ANO4: variants seen among roughly 807,000 people sequenced by gnomAD.
ANO4 encodes anoctamin-4.
Under a neutral mutation model 141.9 loss-of-function variants are expected in ANO4, and 69 were observed. The observed-to-expected ratio is 0.49, with a 90% CI of 0.40 to 0.59. ANO4 has a LOEUF of 0.59. Ranked by LOEUF, ANO4 falls within the 20% of genes least tolerant of loss-of-function variation. The probability of loss-of-function intolerance (pLI) is 0.00; values close to 1 mark genes in which losing one functional copy is unlikely to be tolerated. For missense variants in ANO4, 894 were observed against 1,162.2 expected (o/e 0.77, Z 3.36); for synonymous variants, 350 against 394.3 (o/e 0.89, Z 1.33).
At chr12:100,898,067 A>G (rs568233307) in intron 1 of ANO4, among the ~76,000 whole-genome samples, 71 of 152,370 alleles carry the variant, frequency 4.7e-4, no homozygotes, top group African/African-American at 1.6e-3. Context: ...GACCTTGGTC[A>G]AGTAACTTCT....
intron 1 of ANO4, among the ~76,000 whole-genome samples, chr12:100,724,427 G>A (rs1189527901): frequency 6.6e-6 from 1 of 152,170 alleles, no homozygotes; most frequent in African/African-American, 2.4e-5. Flanking sequence ...TCTCACTCAG[G>A]TCTGATGCAG....
intron 9 of ANO4, among the ~76,000 whole-genome samples, chr12:101,035,721 A>G (rs1293201462): frequency 5.3e-5 from 8 of 152,306 alleles, no homozygotes; most frequent in Non-Finnish European, 1.0e-4. Flanking sequence ...AGGGAGCTGA[A>G]GGCCATTATC....
At chr12:101,103,877 TTTAA>T (rs2050306100) in intron 22 of ANO4, among the ~76,000 whole-genome samples, 1 of 151,982 alleles carries the variant, frequency 6.6e-6, no homozygotes, top group South Asian at 2.1e-4. Context: ...CAGGAAGAAC[TTTAA>T]TTATAGATTT....
intron 1 of ANO4, among the ~76,000 whole-genome samples, chr12:100,867,151 T>TA (rs1420487954): frequency 2.6e-5 from 4 of 152,164 alleles, no homozygotes; most frequent in African/African-American, 9.7e-5. Flanking sequence ...ATTGCTGCAA[T>TA]AAAAATATCA....
At chr12:100,813,736 A>G (rs2035577102) in intron 1 of ANO4, among the ~76,000 whole-genome samples, 1 of 152,202 alleles carries the variant, frequency 6.6e-6, no homozygotes, top group African/African-American at 2.4e-5. Context: ...TTGGTCAGAT[A>G]TCTTAAAAAT....
intron 9 of ANO4, among the ~76,000 whole-genome samples, chr12:101,035,078 G>A (rs367778414): frequency 6.6e-6 from 1 of 152,250 alleles, no homozygotes; most frequent in Non-Finnish European, 1.5e-5. Context: ...ATATATTGAT[G>A]CAAAGTTTTG....
At chr12:101,096,475 A>T in intron 18 of ANO4, 61 bp from the exon 19 acceptor site, 2 of 1,312,074 alleles carry the variant, frequency 1.5e-6, no homozygotes, top group Non-Finnish European at 2.2e-6. Flanking sequence ...GGAGGGAAAG[A>T]GAGGGAGTTG....
At chr12:100,749,420 A>G (rs1357024932) in intron 3 of ANO4, among the ~76,000 whole-genome samples, 8 of 152,244 alleles carry the variant, frequency 5.3e-5, no homozygotes, top group African/African-American at 1.9e-4. Context: ...TGGCTAAGAG[A>G]AATACATTGC....
At chr12:101,126,689 A>G (rs1471429896) in intron 26 of ANO4, among the ~76,000 whole-genome samples, 190 bp from the exon 27 acceptor site, 1 of 151,918 alleles carries the variant, frequency 6.6e-6, no homozygotes, top group Non-Finnish European at 1.5e-5. Flanking sequence ...TCCTCTTTCT[A>G]TTCCTTAGGT....
rs2048702819 is a variant in ANO4, at chr12:101,068,917, C to T, written c.1313-10276C>T. The T allele has an allele frequency of 8.6e-6, 7 of 816,532 alleles. No homozygotes were observed. In the Admixed American group the frequency reaches 1.2e-4, roughly 14 times the overall value. The allele number at this position is 816,532 out of a possible 1,614,324, so 50.6% of individuals were successfully genotyped here. ...AACAGAGCTCCTCCGATACTACATG[C>T]TCAACATCGAAGCTGCTAAGGATCT... On this transcript the variant is annotated intron_variant, in intron 14 of 27. Transcript: ENST00000392977.
upstream of ANO4, among the ~76,000 whole-genome samples, chr12:100,792,796 A>G (rs2034093208): frequency 6.6e-6 from 1 of 152,186 alleles, no homozygotes; most frequent in African/African-American, 2.4e-5. Flanking sequence ...TTCATTTAGG[A>G]GCTTTAAATA....
intron 3 of ANO4, among the ~76,000 whole-genome samples, chr12:100,747,545 C>G (rs1314079752): frequency 6.6e-6 from 1 of 152,230 alleles, no homozygotes; most frequent in African/African-American, 2.4e-5. Flanking sequence ...TCACCATCTT[C>G]CCTTTAGTGG....
intron 5 of ANO4, among the ~76,000 whole-genome samples, chr12:100,967,755 T>C (rs1188305370): frequency 4.6e-5 from 7 of 152,242 alleles, no homozygotes; most frequent in Non-Finnish European, 1.0e-4. Context: ...CCTCTTTATT[T>C]TTGTTGCTTT....
At chr12:100,947,008 T>C (rs1014032425) in intron 5 of ANO4, among the ~76,000 whole-genome samples, 1 of 152,168 alleles carries the variant, frequency 6.6e-6, no homozygotes, top group African/African-American at 2.4e-5. Context: ...AAGAGAAGTT[T>C]CAGTGGAGAA....
At chr12:100,925,208 T>G (rs542423951) in intron 3 of ANO4, among the ~76,000 whole-genome samples, 7 of 152,116 alleles carry the variant, frequency 4.6e-5, no homozygotes, top group African/African-American at 1.7e-4. Context: ...TGATCGAAAT[T>G]TTTAGCCAGT....
upstream of ANO4, chr12:100,717,484 C>T: frequency 2.5e-6 from 1 of 398,582 alleles, no homozygotes; most frequent in East Asian, 3.6e-5. Context: ...GGGGGCCGCT[C>T]TAGCCGACGC....
chr12:100,847,856 A>G (rs1048258440), intron 1 of ANO4, among the ~76,000 whole-genome samples: 2 of 152,180 alleles, frequency 1.3e-5, no homozygotes, highest in Non-Finnish European at 2.9e-5. Flanking sequence ...AGCTCTCCCC[A>G]GTCTTTAGTA....
intron 1 of ANO4, among the ~76,000 whole-genome samples, chr12:100,846,163 A>G (rs2135829762): frequency 6.6e-6 from 1 of 152,352 alleles, no homozygotes; most frequent in African/African-American, 2.4e-5. Context: ...TCCCTTGATC[A>G]GTGTTAAATC....
chr12:100,927,804 A>G (rs1381358342), intron 3 of ANO4, among the ~76,000 whole-genome samples: 1 of 152,056 alleles, frequency 6.6e-6, no homozygotes, highest in Non-Finnish European at 1.5e-5. Context: ...CTGGATATAT[A>G]CTGTAGGGAC....
Sources: allele counts gnomAD v4.1 joint callset (sites outside exome capture counted in the v4.1 genomes callset), GRCh38; gene constraint gnomAD v4.1.1; transcripts MANE v1.5; gene names NCBI Gene and HGNC (gene_info 2026-07-23, HGNC 2026-07-21).